The following LRRC9 variants were observed in gnomAD, a reference collection of about 807,000 sequenced individuals.
LRRC9 encodes leucine rich repeat containing 9, also known as leucine-rich repeat-containing protein 9.
Under a neutral mutation model 63.2 loss-of-function variants are expected in LRRC9, and 122 were observed. The ratio of observed to expected loss-of-function variants is 1.93; its 90% confidence interval spans 1.67 to 2.24. The LOEUF (loss-of-function observed/expected upper bound fraction) is 2.24. Among genes scored for constraint, LRRC9 ranks in the 30% most tolerant of loss-of-function variants. The pLI, the probability that LRRC9 is intolerant of heterozygous loss-of-function variation, is 0.00. For missense variants in LRRC9, 1,071 were observed against 627.7 expected, an observed-to-expected ratio of 1.71 and a Z score of -7.55; for synonymous variants, 366 against 213.1, an observed-to-expected ratio of 1.72 and a Z score of -6.25.
At chr14:60,064,520 T>C (rs1022011077), downstream of LRRC9, among the ~76,000 whole-genome samples, 6 of 152,246 alleles carry the variant, frequency 3.9e-5, 1 homozygote, top group African/African-American at 1.4e-4. Context: ...TATTTTTCTT[T>C]TTAAATGCTG....
At chr14:59,997,702 T>G (rs1221280539) in exon 18 of LRRC9, 2 of 702,540 alleles carry the variant, frequency 2.8e-6, no homozygotes, top group Non-Finnish European at 5.2e-6. Flanking sequence ...GTGATAACCC[T>G]TGAGGGATTT....
intron 17 of LRRC9, among the ~76,000 whole-genome samples, chr14:59,995,194 A>G (rs1017847795): frequency 3.3e-5 from 5 of 152,132 alleles, no homozygotes; most frequent in African/African-American, 1.2e-4. Flanking sequence ...AGATATCCAC[A>G]TAAGGCAAAT....
intron 7 of LRRC9, among the ~76,000 whole-genome samples, chr14:59,940,067 AAG>A (rs1881593438): frequency 6.6e-6 from 1 of 152,012 alleles, no homozygotes; most frequent in Non-Finnish European, 1.5e-5. Flanking sequence ...AAGGAGAACT[AAG>A]AGAGGCAGGT....
At chr14:59,984,794 T>C (rs1887285657) in intron 16 of LRRC9, among the ~76,000 whole-genome samples, 1 of 152,204 alleles carries the variant, frequency 6.6e-6, no homozygotes, top group South Asian at 2.1e-4. Flanking sequence ...CCCTAATAAG[T>C]ATCTTAACAC....
intron 31 of LRRC9, among the ~76,000 whole-genome samples, chr14:60,062,645 G>C (rs1413259979): frequency 1.3e-5 from 2 of 152,138 alleles, no homozygotes; most frequent in African/African-American, 4.8e-5. Flanking sequence ...TCCTTCTCCA[G>C]TCTGAATCTA....
At chr14:59,977,148 G>A in intron 13 of LRRC9, 77 bp from the exon 14 acceptor site, 1 of 616,476 alleles carries the variant, frequency 1.6e-6, no homozygotes, top group Non-Finnish European at 2.8e-6. Flanking sequence ...TTAGTCTTGG[G>A]CCAATAAAGA....
chr14:60,021,444 C>T (rs1891110367), intron 26 of LRRC9, among the ~76,000 whole-genome samples: 1 of 151,864 alleles, frequency 6.6e-6, no homozygotes, highest in Non-Finnish European at 1.5e-5. Flanking sequence ...TGTGGCCTCT[C>T]TTTTCATTTT....
intron 17 of LRRC9, among the ~76,000 whole-genome samples, chr14:59,993,659 A>T (rs543967218): frequency 5.3e-5 from 8 of 152,222 alleles, no homozygotes; most frequent in African/African-American, 1.9e-4. Flanking sequence ...CAGGGGTTGC[A>T]ATCCTAGTCT....
intron 29 of LRRC9, among the ~76,000 whole-genome samples, chr14:60,041,154 G>C (rs1892911757): frequency 6.6e-6 from 1 of 151,950 alleles, no homozygotes; most frequent in South Asian, 2.1e-4. Context: ...GCTTCCCTTT[G>C]TGGGTAACCC....
chr14:59,981,910 C>A (rs757554756), exon 16 of LRRC9: 7 of 702,090 alleles, frequency 1.0e-5, no homozygotes, highest in African/African-American at 1.7e-5. Flanking sequence ...GCAAAAAAAA[C>A]CCAGAAGTAT....
At position 59,958,367 on chromosome 14, in the gene LRRC9, A is replaced by T. The variant is rs1182805081; in HGVS notation, c.883-1451A>T. On this transcript the variant is annotated intron_variant, in intron 8 of 31. Transcript: ENST00000445360. This position sits in a 1 kb window ranked among gnomAD's most constrained non-coding sequence, Gnocchi z 4.0. Reference sequence around the variant, plus strand: ...CCAGTGAGGAGGAATCTAGAGAAGCAGTCTGACCACAGCTGCTTTGCCACC... The same window carrying T: ...CCAGTGAGGAGGAATCTAGAGAAGCTGTCTGACCACAGCTGCTTTGCCACC... Among the ~76,000 whole-genome samples, 2 of 152,226 alleles carry T rather than the reference A, an allele frequency of 1.3e-5. No individual in the cohort carries two copies. Among genetic ancestry groups the T allele is most frequent in the African/African-American group, 4.8e-5 (2 of 41,472 alleles).
At chr14:60,010,830 CCAA>C (rs1890201944) in intron 23 of LRRC9, among the ~76,000 whole-genome samples, 1 of 152,166 alleles carries the variant, frequency 6.6e-6, no homozygotes, top group Non-Finnish European at 1.5e-5. Flanking sequence ...ACTCCAGTTC[CCAA>C]CAAGTTCCTT....
At position 60,017,088 on chromosome 14, in the gene LRRC9, T is replaced by C. The variant is rs1398162645; in HGVS notation, c.3317+298T>C. On this transcript the variant is annotated intron_variant, in intron 24 of 31. Coordinates refer to ENST00000445360, the Ensembl canonical transcript of LRRC9. This position sits in a 1 kb window ranked among gnomAD's most constrained non-coding sequence, Gnocchi z 4.0. ...TTGTGGAGACAGCATTTATGCCATG[T>C]TGCCAGGCTGGTCTCCAATCATGGG... 1.3e-5 allele frequency among the ~76,000 whole-genome samples: 2 copies of C among 152,026 alleles called. No homozygotes were observed. The highest frequency in any genetic ancestry group is 2.9e-5 in the Non-Finnish European group (2 of 67,996).
At position 60,051,375 on chromosome 14, in the gene LRRC9, G is replaced by C. The variant is rs992408864; in HGVS notation, c.3991-1690G>C. 6.6e-6 allele frequency among the ~76,000 whole-genome samples: 1 copy of C among 152,222 alleles called. No homozygotes were observed. Among genetic ancestry groups the C allele is most frequent in the African/African-American group, 2.4e-5 (1 of 41,464 alleles). On this transcript the variant is annotated intron_variant, in intron 29 of 31. Coordinates refer to ENST00000445360, the Ensembl canonical transcript of LRRC9. This position sits in a 1 kb window ranked among gnomAD's most constrained non-coding sequence, Gnocchi z 4.7. ...AGTCTGAGCATGATCTTGCAAAGCA[G>C]GTGTGTTGCAGTTAGGGGGAACCCT...
intron 10 of LRRC9, among the ~76,000 whole-genome samples, chr14:59,965,679 T>C (rs916290837): frequency 2.0e-5 from 3 of 151,466 alleles, no homozygotes; most frequent in Admixed American, 6.6e-5. Context: ...GTCAGGAGAT[T>C]GAGACCATCC....
rs1408014159 is a variant in LRRC9 at position 59,927,549 on chromosome 14, G to A, written c.-33-362G>A. On this transcript the variant is annotated intron_variant, in intron 1 of 31. Transcript: ENST00000445360. This position sits in a 1 kb window ranked among gnomAD's most constrained non-coding sequence, Gnocchi z 4.4. ...GGACAACTAGAGCCTGTTCAAAGGAGAGAAACATGAGTATATAGTGAGAGA... is the reference window on the plus strand; with the variant it reads ...GGACAACTAGAGCCTGTTCAAAGGAAAGAAACATGAGTATATAGTGAGAGA... Among the ~76,000 whole-genome samples the A allele has an allele frequency of 6.6e-6, 1 of 152,036 alleles. No homozygotes were observed. The highest frequency in any genetic ancestry group is 1.5e-5 in the Non-Finnish European group (1 of 67,934).
chr14:60,037,658 G>A (rs952727865), intron 29 of LRRC9, among the ~76,000 whole-genome samples: 6 of 152,022 alleles, frequency 3.9e-5, no homozygotes, highest in Admixed American at 1.3e-4. Context: ...TGTAGATTCT[G>A]GATATTAGCC....
chr14:59,980,845 G>A (rs1043465298), intron 15 of LRRC9, among the ~76,000 whole-genome samples: 4 of 152,146 alleles, frequency 2.6e-5, no homozygotes, highest in Non-Finnish European at 4.4e-5. Flanking sequence ...CAAGAGATGG[G>A]CAATACCTGG....
chr14:60,032,034 C>T lies in LRRC9; in HGVS notation c.3961C>T (p.Leu1321Phe), dbSNP rs1892030648. ...GGAAAAACTTGACGTTATCTCTACT[C>T]TCAGGGAGCTTACAGTGTATGGCAA... is the stretch of plus-strand genomic sequence containing the variant. The change falls in exon 29 of 32, where the codon CTC (leucine) becomes TTC (phenylalanine). Residue 1321 changes from leucine to phenylalanine, a missense_variant. Physicochemically the swap from Leu to Phe is conservative, Grantham distance 22. Coordinates refer to ENST00000445360, the Ensembl canonical transcript of LRRC9. 3 of 700,806 alleles carry T rather than the reference C, an allele frequency of 4.3e-6. No individual in the cohort carries two copies. The Admixed American group carries it at 6.0e-5, about 14-fold the overall frequency. The allele number at this position is 700,806 out of a possible 1,614,324, so 43.4% of individuals were successfully genotyped here. A position where few individuals can be genotyped will look rare whatever the true frequency, so the allele number is the denominator to read the frequency against.
Sources: allele counts gnomAD v4.1 joint callset (sites outside exome capture counted in the v4.1 genomes callset), GRCh38; gene constraint gnomAD v4.1.1; non-coding constraint Gnocchi (gnomAD v3.1); transcripts MANE v1.5; gene names NCBI Gene and HGNC (gene_info 2026-07-23, HGNC 2026-07-21).